The following MICAL3 variants were observed in gnomAD, a reference collection of about 807,000 sequenced individuals.
MICAL3 encodes [F-actin]-monooxygenase MICAL3.
Under a neutral mutation model 207.4 loss-of-function variants are expected in MICAL3, and 62 were observed. The observed-to-expected ratio is 0.30, with a 90% confidence interval of 0.24 to 0.37. MICAL3 has a LOEUF of 0.37. Ranked by LOEUF, MICAL3 falls within the 10% of genes least tolerant of loss-of-function variation. MICAL3 has a pLI of 1.00. For synonymous variants in MICAL3, 1,077 were observed against 1,069.3 expected, an observed-to-expected ratio of 1.01 and a Z score of -0.14; for missense variants, 2,368 against 2,635.6, an observed-to-expected ratio of 0.90 and a Z score of 2.22.
chr22:17,994,356 C>T (rs1922043430), intron 1 of MICAL3, among the ~76,000 whole-genome samples: 1 of 152,228 alleles, frequency 6.6e-6, no homozygotes, highest in Non-Finnish European at 1.5e-5. Flanking sequence ...GACCAAGCTG[C>T]TCCTCCTCTC....
chr22:17,906,348 T>A (rs1417767270), intron 2 of MICAL3, among the ~76,000 whole-genome samples: 2 of 152,214 alleles, frequency 1.3e-5, no homozygotes, highest in African/African-American at 4.8e-5. Context: ...TTTGCCTGGT[T>A]CTCACTCAGC....
chr22:17,936,953 A>T (rs967670205), intron 1 of MICAL3, among the ~76,000 whole-genome samples: 1 of 152,188 alleles, frequency 6.6e-6, no homozygotes, highest in African/African-American at 2.4e-5. Flanking sequence ...GCAAGAGCAC[A>T]GTGATGACTA....
chr22:18,022,454 A>G (rs1295238396), intron 1 of MICAL3, among the ~76,000 whole-genome samples: 2 of 150,216 alleles, frequency 1.3e-5, no homozygotes, highest in Non-Finnish European at 3.0e-5. Flanking sequence ...TTTGAGACAG[A>G]GTCTTACTCT....
Position 17,970,679 on chromosome 22 carries a change from T to G in MICAL3, c.-75+53602A>C, listed in dbSNP as rs1208419716. Among the ~76,000 whole-genome samples, 5 of 152,218 alleles carry G rather than the reference T, an allele frequency of 3.3e-5. No individual in the cohort carries two copies. In the East Asian group the frequency reaches 9.6e-4, roughly 29 times the overall value. ...TGTAATATTCCTGGCACACAGTAGG[T>G]GCCTTAAACAGGTCCTTGAATTGGG... On this transcript the variant is annotated intron_variant, in intron 1 of 31. Coordinates refer to ENST00000441493, the MANE Select transcript of MICAL3 (RefSeq NM_015241.3).
At position 17,930,102 on chromosome 22, in the gene MICAL3, AAACCAT is replaced by A. The variant is rs1424907324; in HGVS notation, c.-74-23222_-74-23217del. On this transcript the variant is annotated intron_variant, in intron 1 of 31. Coordinates refer to ENST00000441493, the MANE Select transcript of MICAL3 (RefSeq NM_015241.3). The stretch of plus-strand genomic sequence containing the variant: ...CATATTAGTCACAGGAAGTCCATCA[AAACCAT>A]AATGAGATCCTATCACCCATCAGAA... Among the ~76,000 whole-genome samples, 8 of 152,372 alleles carry A rather than the reference AAACCAT, an allele frequency of 5.3e-5. No individual in the cohort carries two copies. The South Asian group carries it at 1.2e-3, about 24-fold the overall frequency.
chr22:17,890,917 G>A lies in MICAL3; in HGVS notation c.1694+568C>T, dbSNP rs560655146. Among the ~76,000 whole-genome samples the A allele has an allele frequency of 2.4e-4, 37 of 152,332 alleles. No individual in the cohort carries two copies. The South Asian group carries it at 7.5e-3, about 31-fold the overall frequency. ...GACAGGTGAGTGGAGAATGGCCAAA[G>A]GAGATGTCACTGGGATAGGTGGGTA... On this transcript the variant is annotated intron_variant, in intron 12 of 31. Coordinates refer to ENST00000441493, the MANE Select transcript of MICAL3 (RefSeq NM_015241.3).
intron 31 of MICAL3, 21 bp from the exon 32 acceptor site, chr22:17,790,937 G>A (rs753679585): frequency 3.1e-6 from 5 of 1,613,334 alleles, no homozygotes; most frequent in Non-Finnish European, 4.2e-6. Context: ...AAGAAGGCAT[G>A]AGGTGAGGGG....
chr22:17,870,822 A>G (rs1927651229), intron 17 of MICAL3, among the ~76,000 whole-genome samples: 2 of 152,188 alleles, frequency 1.3e-5, no homozygotes, highest in Non-Finnish European at 2.9e-5. Context: ...CAGAAGGGCC[A>G]GGCACCATGA....
intron 22 of MICAL3, among the ~76,000 whole-genome samples, chr22:17,825,993 C>T (rs1449231861): frequency 6.6e-6 from 1 of 152,182 alleles, no homozygotes; most frequent in African/African-American, 2.4e-5. Context: ...GAATAGCACC[C>T]GCCCATCCTC....
In MICAL3 at chr22:17,791,269, G is replaced by A. The variant is rs750633470; in HGVS notation, c.5683C>T (p.Gln1895Ter). ...MGKKDDPKLMQEWFKLVQEKN... is the reference protein window; with the variant it reads ...MGKKDDPKLM ...TCCTGCACTAGCTTGAACCACTCCT[G>A]CATCAGCTTGGGGTCGTCCTTCTTG... The change falls in exon 30 of 32, where the codon CAG becomes TAG. Residue 1895 changes from glutamine (Q) to a stop codon, truncating the protein, a stop_gained. Coordinates refer to ENST00000441493, the MANE Select transcript of MICAL3 (RefSeq NM_015241.3). LOFTEE classifies it high-confidence loss of function. The A allele has an allele frequency of 6.2e-7, 1 of 1,613,762 alleles. No individual in the cohort carries two copies. Among genetic ancestry groups the A allele is most frequent in the Non-Finnish European group, 8.5e-7 (1 of 1,179,802 alleles).
At chr22:17,998,918 GCT>G (rs1922621641) in intron 1 of MICAL3, among the ~76,000 whole-genome samples, 1 of 152,082 alleles carries the variant, frequency 6.6e-6, no homozygotes, top group African/African-American at 2.4e-5. Flanking sequence ...GCCAATGATG[GCT>G]CTTATTTTTT....
chr22:17,887,220 T>G lies in MICAL3; in HGVS notation c.2017A>C (p.Lys673Gln), dbSNP rs181026231. The G allele has an allele frequency of 6.2e-7, 1 of 1,613,642 alleles. No individual in the cohort carries two copies. The highest frequency in any genetic ancestry group is 1.7e-5 in the Admixed American group (1 of 59,992). The change falls in exon 15 of 32, where the codon AAG becomes CAG. Residue 673 changes from lysine to glutamine, a missense_variant. Coordinates refer to ENST00000441493, the MANE Select transcript of MICAL3 (RefSeq NM_015241.3). ...RKRSPKDKKEKDLDGAGKRRK... is the reference protein window; with the variant it reads ...RKRSPKDKKEQDLDGAGKRRK... ...CTCTTCCCAGCACCATCCAAGTCCT[T>G]TTCCTTTTTATCCTGTACCAAGGGA...
rs1921246717 is a variant in MICAL3, at chr22:17,818,849, G to A, written c.3812C>T (p.Thr1271Ile). 1 of 1,548,180 alleles carries A rather than the reference G, an allele frequency of 6.5e-7. No individual in the cohort carries two copies. The highest frequency in any genetic ancestry group is 8.7e-7 in the Non-Finnish European group (1 of 1,144,466). Residue 1271 changes from threonine to isoleucine, a missense_variant, in exon 26 of 32, where the codon ACT becomes ATT. Thr to Ile is a moderately conservative substitution (Grantham distance 89). Transcript: ENST00000441493. The stretch of plus-strand genomic sequence containing the variant: ...GGGGGACTGGGTAGGGGATGGGACA[G>A]TGGCCTCGGTGGAAGGCTGGGGCTG... ...CSQPQPSTEA[T>I]VPSPTQSPIR...
intron 17 of MICAL3, 69 bp from the exon 18 acceptor site, chr22:17,866,081 C>A: frequency 8.7e-7 from 1 of 1,150,372 alleles, no homozygotes. Flanking sequence ...CCTCCCTGGT[C>A]TCAGCCACTC....
At chr22:17,896,648 C>T in intron 8 of MICAL3, 76 bp downstream of exon 8, 2 of 1,489,436 alleles carry the variant, frequency 1.3e-6, no homozygotes, top group African/African-American at 1.4e-5. Context: ...ACGCTCATTC[C>T]AAGACCCAGG....
At chr22:17,989,165 G>T (rs775346299) in intron 1 of MICAL3, among the ~76,000 whole-genome samples, 1 of 152,094 alleles carries the variant, frequency 6.6e-6, no homozygotes, top group African/African-American at 2.4e-5. Context: ...CATTTGACCA[G>T]GAGAATAAAC....
chr22:17,920,794 T>G (rs1569133493), intron 1 of MICAL3, among the ~76,000 whole-genome samples: 1 of 152,252 alleles, frequency 6.6e-6, no homozygotes, highest in South Asian at 2.1e-4. Context: ...GACCCTTCTC[T>G]GTTCTCCACT....
chr22:18,020,261 C>T (rs1366599530), intron 1 of MICAL3: 1 of 152,612 alleles, frequency 6.6e-6, no homozygotes, highest in East Asian at 1.9e-4. Context: ...AACAAACTCC[C>T]ATCATCCTTT....
At chr22:17,847,205 G>A (rs1924722234) in intron 19 of MICAL3, among the ~76,000 whole-genome samples, 1 of 152,194 alleles carries the variant, frequency 6.6e-6, no homozygotes, top group African/African-American at 2.4e-5. Flanking sequence ...TCAGGGCTCC[G>A]CGCCGCTGAG....
Sources: gnomAD v4.1 joint callset for allele counts (sites outside exome capture counted in the v4.1 genomes callset) on GRCh38, gnomAD v4.1.1 for gene constraint, MANE v1.5 for transcripts, NCBI Gene and HGNC (gene_info 2026-07-23, HGNC 2026-07-21) for gene names.